Variants in CROCC2 observed in about 807,000 individuals in gnomAD.
The protein encoded by CROCC2 is ciliary rootlet coiled-coil, rootletin family member 2, also known as ciliary rootlet coiled-coil protein 2.
CROCC2 carries 163 observed loss-of-function variants against 177.6 expected under a neutral mutation model. The ratio of observed to expected loss-of-function variants is 0.92; its 90% confidence interval spans 0.81 to 1.05. The LOEUF is 1.05. CROCC2 is among the 50% of genes least tolerant of loss of function. The pLI, the probability that CROCC2 is intolerant of heterozygous loss-of-function variation, is 0.00. For synonymous variants in CROCC2, 904 were observed against 787.3 expected, an observed-to-expected ratio of 1.15 and a Z score of -2.48; for missense variants, 1,929 against 1,797.8, an observed-to-expected ratio of 1.07 and a Z score of -1.32.
At chr2:240,964,423 C>T in intron 21 of CROCC2, 43 bp from the exon 22 acceptor site, 2 of 1,547,838 alleles carry the variant, frequency 1.3e-6, no homozygotes, top group Non-Finnish European at 1.7e-6. Context: ...GTGCTGGCCC[C>T]ACCAGGAGGT....
chr2:240,964,583 A>AG lies in CROCC2; in HGVS notation c.3430dup (p.Asp1144GlyfsTer29). 6.5e-7 allele frequency: 1 copy of AG among 1,549,552 alleles called. No homozygotes were observed. The highest frequency in any genetic ancestry group is 8.7e-7 in the Non-Finnish European group (1 of 1,146,768). On this transcript the variant is annotated frameshift_variant, in exon 22 of 32. Transcript: ENST00000690015. LOFTEE classifies it high-confidence loss of function. Reference sequence around the variant, plus strand: ...CCCACCTGTGGGAGCTGGAGCAGGCAGGGGGGGACGCCCGTCAGGAGCTCC... The same window carrying AG: ...CCCACCTGTGGGAGCTGGAGCAGGCAGGGGGGGGACGCCCGTCAGGAGCTCC...
chr2:240,938,826 C>T (rs140210041), intron 14 of CROCC2, among the ~76,000 whole-genome samples: 47 of 152,142 alleles, frequency 3.1e-4, no homozygotes, highest in Non-Finnish European at 4.6e-4. Flanking sequence ...AATTATATTA[C>T]GGTTTTAATG....
At position 240,966,306 on chromosome 2, in the gene CROCC2, C is replaced by T. The variant is rs1326361278; in HGVS notation, c.4043C>T (p.Ser1348Leu). ...ARPHSPLRWP[S>L]PTPGGRSSEL... ...CCCCACTCGCCCCTCCGATGGCCCT[C>T]GCCCACACCCGGAGGCCGCAGCTCA... The change falls in exon 25 of 32, where the codon TCG becomes TTG. Residue 1348 changes from serine to leucine, a missense_variant. Physicochemically the swap from Ser to Leu is moderately radical, Grantham distance 145 (BLOSUM62 -2). Around this residue, in one of 3 missense-constraint regions of CROCC2, gnomAD observed 388 missense variants for 352.7 expected, o/e 1.10. Coordinates refer to ENST00000690015, the MANE Select transcript of CROCC2 (RefSeq NM_001351305.2). 1.4e-5 allele frequency: 6 copies of T among 427,138 alleles called. No homozygotes were observed. Among genetic ancestry groups the T allele is most frequent in the Admixed American group, 4.3e-5 (1 of 23,170 alleles). 26.5% of individuals were successfully genotyped at this position (427,138 alleles called of 1,614,324 possible). A position where few individuals can be genotyped will look rare whatever the true frequency, so the allele number is the denominator to read the frequency against.
At chr2:240,934,828 G>A (rs776689909) in intron 12 of CROCC2, 88 bp from the exon 13 acceptor site, 47 of 1,355,680 alleles carry the variant, frequency 3.5e-5, no homozygotes, top group Non-Finnish European at 4.1e-5. Context: ...GCACACCTCC[G>A]TGGCTCAGGG....
chr2:240,966,012 G>C lies in CROCC2; in HGVS notation c.3961+19G>C. 2.2e-6 allele frequency: 3 copies of C among 1,334,000 alleles called. No homozygotes were observed. Among genetic ancestry groups the C allele is most frequent in the Non-Finnish European group, 2.9e-6 (3 of 1,048,672 alleles). The allele number at this position is 1,334,000 out of a possible 1,614,324, so 82.6% of individuals were successfully genotyped here. A position where few individuals can be genotyped will look rare whatever the true frequency, so the allele number is the denominator to read the frequency against. ...ACCAAAGGTCAGAGTCCTCAGTGGA[G>C]GCAGGCGGGCCCCTCTCCCAGCTCA... On this transcript the variant is annotated intron_variant, in intron 24 of 31. Coordinates refer to ENST00000690015, the MANE Select transcript of CROCC2 (RefSeq NM_001351305.2).
At chr2:240,971,628 T>C (rs1246298509) in intron 27 of CROCC2, among the ~76,000 whole-genome samples, 2 of 152,164 alleles carry the variant, frequency 1.3e-5, no homozygotes, top group African/African-American at 4.8e-5. Context: ...CCCCTTTCAT[T>C]ATTTTTACCT....
intron 28 of CROCC2, among the ~76,000 whole-genome samples, chr2:240,987,168 G>A (rs2059846367): frequency 6.6e-6 from 1 of 152,202 alleles, no homozygotes; most frequent in Non-Finnish European, 1.5e-5. Context: ...GGAGGAGCAG[G>A]GGGCTTGCAT....
intron 14 of CROCC2, among the ~76,000 whole-genome samples, chr2:240,944,109 C>T (rs1346317871): frequency 6.6e-6 from 1 of 152,168 alleles, no homozygotes; most frequent in Non-Finnish European, 1.5e-5. Flanking sequence ...CTAAAATAGC[C>T]ATTATTTTCT....
intron 20 of CROCC2, among the ~76,000 whole-genome samples, chr2:240,962,026 ACACG>A (rs1445931707): frequency 1.4e-4 from 4 of 27,940 alleles, no homozygotes; most frequent in Non-Finnish European, 3.9e-4. Flanking sequence ...ACACACACAC[ACACG>A]CACGCACACA....
At chr2:240,981,110 T>C (rs1313188959) in intron 27 of CROCC2, among the ~76,000 whole-genome samples, 1 of 133,590 alleles carries the variant, frequency 7.5e-6, no homozygotes, top group Non-Finnish European at 1.6e-5. Context: ...GTCTCTGGGG[T>C]AGGAGCCTCA....
intron 3 of CROCC2, among the ~76,000 whole-genome samples, chr2:240,921,627 G>A (rs2106454684): frequency 6.6e-6 from 1 of 152,324 alleles, no homozygotes; most frequent in South Asian, 2.1e-4. Flanking sequence ...CCAGGAGGCT[G>A]GGTCTAACTC....
At position 240,992,158 on chromosome 2, in the gene CROCC2, C is replaced by G. The variant is rs549415558; in HGVS notation, c.4946+880C>G. On this transcript the variant is annotated intron_variant, in intron 31 of 31. Coordinates refer to ENST00000690015, the MANE Select transcript of CROCC2 (RefSeq NM_001351305.2). ...CGTGGGCCACCTGTGTCCATCTGCA[C>G]CCCTCGTCTCCATCACCGTTGCTCA... Among the ~76,000 whole-genome samples, 67 of 152,362 alleles carry G rather than the reference C, an allele frequency of 4.4e-4. 1 individual carries two copies. In the South Asian group the frequency reaches 0.014, roughly 31 times the overall value.
At chr2:240,926,180 G>A (rs1463296695) in intron 5 of CROCC2, among the ~76,000 whole-genome samples, 2 of 152,248 alleles carry the variant, frequency 1.3e-5, no homozygotes, top group Admixed American at 1.3e-4. Flanking sequence ...TGGAGAGGCA[G>A]GTTGTTCTCC....
chr2:240,988,102 GTC>G (rs140986326), intron 28 of CROCC2, among the ~76,000 whole-genome samples: 2,675 of 152,358 alleles, frequency 0.018, 200 homozygotes, highest in Admixed American at 0.12. Flanking sequence ...CATAGAAAAT[GTC>G]TGTTTCCTGG....
At chr2:240,963,515 T>C (rs1046322462) in intron 20 of CROCC2, 41 bp from the exon 21 acceptor site, 9 of 1,471,538 alleles carry the variant, frequency 6.1e-6, no homozygotes, top group Middle Eastern at 2.5e-4. Context: ...CCTGGAGCAG[T>C]GGTCCCCAGC....
chr2:240,948,260 C>T (rs2059534675), intron 15 of CROCC2, among the ~76,000 whole-genome samples: 1 of 152,018 alleles, frequency 6.6e-6, no homozygotes, highest in Non-Finnish European at 1.5e-5. Context: ...CCTCTGCGAG[C>T]CCTGGCGAGC....
chr2:240,921,754 C>T (rs1237107720), intron 3 of CROCC2, among the ~76,000 whole-genome samples: 1 of 152,242 alleles, frequency 6.6e-6, no homozygotes, highest in Non-Finnish European at 1.5e-5. Flanking sequence ...GGTCTTCCAA[C>T]GCCACCTTCT....
rs761533856 is a variant in CROCC2, at chr2:240,922,549, G to A, written c.392G>A (p.Arg131Gln). ...ATTGCTCCTCCCCAGCTGCAGGCCC[G>A]GCTGGAGACCACCGAGGCTCAGCTG... is the stretch of plus-strand genomic sequence containing the variant. ...CRVVSEQLQA[R>Q]LETTEAQLRR... Residue 131 changes from arginine (R) to glutamine (Q), a missense_variant, in exon 4 of 32, where the codon CGG becomes CAG. Transcript: ENST00000690015. 26 of 694,918 alleles carry A rather than the reference G, an allele frequency of 3.7e-5. No individual in the cohort carries two copies. The highest frequency in any genetic ancestry group is 5.1e-5 in the Non-Finnish European group (19 of 371,416). The allele number at this position is 694,918 out of a possible 1,614,324, so 43.0% of individuals were successfully genotyped here.
Position 240,949,178 on chromosome 2 carries a change from C to T in CROCC2, c.2482+81C>T, listed in dbSNP as rs1009059098. The T allele has an allele frequency of 1.4e-5, 21 of 1,453,936 alleles. No individual in the cohort carries two copies. Among genetic ancestry groups the T allele is most frequent in the Admixed American group, 1.4e-4 (5 of 36,750 alleles). The allele number at this position is 1,453,936 out of a possible 1,614,324, so 90.1% of individuals were successfully genotyped here. ...CCTGGAATGGAGCTCAGTGCCCACA[C>T]GTGCTGCACCCCCTCTCCGGAGCCC... On this transcript the variant is annotated intron_variant, in intron 16 of 31. Transcript: ENST00000690015. This position sits in a 1 kb window ranked among gnomAD's most constrained non-coding sequence, Gnocchi z 4.5.
Sources: allele counts gnomAD v4.1 joint callset (sites outside exome capture counted in the v4.1 genomes callset), GRCh38; gene constraint gnomAD v4.1.1; regional missense constraint gnomAD v4.1.1; non-coding constraint Gnocchi (gnomAD v3.1); transcripts MANE v1.5; gene names NCBI Gene and HGNC (gene_info 2026-07-23, HGNC 2026-07-21).